The following RIMS3 variants were observed in gnomAD, a reference collection of about 807,000 sequenced individuals.
RIMS3 encodes the protein regulating synaptic membrane exocytosis 3.
In RIMS3, 15 loss-of-function variants were observed where a neutral mutation model predicts 29.2. That is an observed-to-expected ratio of 0.51 (90% confidence interval 0.34 to 0.79). The LOEUF (loss-of-function observed/expected upper bound fraction) is 0.79, where lower values mean the gene tolerates loss of function less well. Ranked by LOEUF, RIMS3 falls within the 30% of genes least tolerant of loss-of-function variation. The pLI is 0.01. For missense variants in RIMS3, 342 were observed against 421.4 expected (o/e 0.81, Z 1.65); for synonymous variants, 161 against 170.1 (o/e 0.95, Z 0.41).
chr1:40,662,752 T>C (rs1329398499), intron 1 of RIMS3, among the ~76,000 whole-genome samples: 1 of 152,198 alleles, frequency 6.6e-6, no homozygotes, highest in Non-Finnish European at 1.5e-5. Context: ...ATACATCTGG[T>C]TACTACAGTT....
rs971111141 is a variant in RIMS3, at chr1:40,622,575, C to G, written c.*3942G>C. The G allele has an allele frequency of 2.0e-5, 3 of 152,482 alleles. No homozygotes were observed. The highest frequency in any genetic ancestry group is 7.2e-5 in the African/African-American group (3 of 41,444). The allele number at this position is 152,482 out of a possible 1,614,324, so 9.4% of individuals were successfully genotyped here. A position where few individuals can be genotyped will look rare whatever the true frequency, so the allele number is the denominator to read the frequency against. Reference sequence around the variant, plus strand: ...GAGGAGGCAGGGAAGCAGGGCTCTTCTTTTCCATCTCCCTGCAGCCACTGC... The same window carrying G: ...GAGGAGGCAGGGAAGCAGGGCTCTTGTTTTCCATCTCCCTGCAGCCACTGC... On this transcript the variant is annotated 3_prime_UTR_variant, in exon 8 of 8. Coordinates refer to ENST00000372684, the MANE Select transcript of RIMS3 (RefSeq NM_014747.3).
At chr1:40,646,944 G>A (rs567001277) in intron 2 of RIMS3, among the ~76,000 whole-genome samples, 3 of 151,168 alleles carry the variant, frequency 2.0e-5, no homozygotes, top group East Asian at 1.9e-4. Flanking sequence ...GCAGTGGTGC[G>A]ATCTCGACTC....
At chr1:40,640,846 G>A (rs1326313796) in intron 3 of RIMS3, among the ~76,000 whole-genome samples, 2 of 152,216 alleles carry the variant, frequency 1.3e-5, no homozygotes, top group Non-Finnish European at 2.9e-5. Context: ...CTGCACACAT[G>A]TGACATGTTT....
intron 2 of RIMS3, among the ~76,000 whole-genome samples, chr1:40,642,261 T>C (rs1646563644): frequency 6.6e-6 from 1 of 152,204 alleles, no homozygotes; most frequent in Non-Finnish European, 1.5e-5. Flanking sequence ...TGCGTGGACT[T>C]GTGACCAAAC....
At chr1:40,683,478 C>T in the RIMS3 span, among the ~76,000 whole-genome samples, 7 of 152,332 alleles carry the variant, frequency 4.6e-5, no homozygotes, top group African/African-American at 7.2e-5. Context: ...ATATCTTCTG[C>T]CACGTTATGG....
rs1257104163 is a variant in RIMS3 at position 40,629,258 on chromosome 1, CA to C, written c.574+12del. ...CCCCTCCCTGTCAGGACCCCATTTCCAAAATCCCTCACCTGGGAGGGATTTG... is the reference window on the plus strand; with the variant it reads ...CCCCTCCCTGTCAGGACCCCATTTCCAAATCCCTCACCTGGGAGGGATTTG... On this transcript the variant is annotated intron_variant, in intron 6 of 7. Coordinates refer to ENST00000372684, the MANE Select transcript of RIMS3 (RefSeq NM_014747.3). 6.8e-6 allele frequency: 11 copies of C among 1,611,588 alleles called. No individual in the cohort carries two copies. The highest frequency in any genetic ancestry group is 9.3e-6 in the Non-Finnish European group (11 of 1,177,716).
chr1:40,632,678 G>A (rs1646497229), intron 5 of RIMS3, among the ~76,000 whole-genome samples: 1 of 151,636 alleles, frequency 6.6e-6, no homozygotes, highest in Non-Finnish European at 1.5e-5. Flanking sequence ...CACAAACACA[G>A]AACCCATGGA....
At chr1:40,688,503 C>A in the RIMS3 span, among the ~76,000 whole-genome samples, 5 of 152,066 alleles carry the variant, frequency 3.3e-5, no homozygotes, top group African/African-American at 1.2e-4. Flanking sequence ...CTCACAGAAA[C>A]TTTTATATAA....
At chr1:40,629,000 T>G (rs771707159) in intron 6 of RIMS3, 51 bp from the exon 7 acceptor site, 1 of 1,609,150 alleles carries the variant, frequency 6.2e-7, no homozygotes, top group South Asian at 1.1e-5. Context: ...CAGACAGCTT[T>G]GGCCTGCCCA....
In RIMS3 at chr1:40,636,150, C is replaced by CAT; in HGVS notation, c.218-95_218-94dup. On this transcript the variant is annotated intron_variant, in intron 3 of 7. Transcript: ENST00000372684. This position sits in a 1 kb window ranked among gnomAD's most constrained non-coding sequence, Gnocchi z 4.2. ...AGTCCTGCCAAAGTCACTCTCTTGG[C>CAT]ATGGGGGGTTGATGGGGAGGATGAG... 6.6e-7 allele frequency: 1 copy of CAT among 1,505,254 alleles called. No homozygotes were observed. The highest frequency in any genetic ancestry group is 9.1e-7 in the Non-Finnish European group (1 of 1,102,488). 93.2% of individuals were successfully genotyped at this position (1,505,254 alleles called of 1,614,324 possible).
intron 6 of RIMS3, 152 bp from the exon 7 acceptor site, chr1:40,629,101 T>G (rs1646472003): frequency 1.8e-6 from 2 of 1,128,600 alleles, no homozygotes; most frequent in East Asian, 4.8e-5. Context: ...ACTCAAGTAC[T>G]GATTCCTCCA....
the RIMS3 span, among the ~76,000 whole-genome samples, chr1:40,671,856 A>G: frequency 6.8e-6 from 1 of 146,734 alleles, no homozygotes; most frequent in East Asian, 2.0e-4. Context: ...TCCACCTCCC[A>G]GGTTCAAGGG....
At chr1:40,675,790 T>C in the RIMS3 span, among the ~76,000 whole-genome samples, 1 of 145,092 alleles carries the variant, frequency 6.9e-6, no homozygotes, top group South Asian at 2.1e-4. Flanking sequence ...TAGCCAGGCA[T>C]AGTGACACAT....
intron 5 of RIMS3, among the ~76,000 whole-genome samples, chr1:40,630,728 G>A (rs953232486): frequency 2.6e-5 from 4 of 152,294 alleles, no homozygotes; most frequent in African/African-American, 4.8e-5. Context: ...GAATGGTCCC[G>A]GCTGCCATGG....
chr1:40,625,479 T>A lies in RIMS3; in HGVS notation c.*1038A>T, dbSNP rs756899400. On this transcript the variant is annotated 3_prime_UTR_variant, in exon 8 of 8. Coordinates refer to ENST00000372684, the MANE Select transcript of RIMS3 (RefSeq NM_014747.3). Reference sequence around the variant, plus strand: ...GTGAATCCCCAAATGTCAGATGGGATCCTCAACAGTGGCGGGGAACAACTC... The same window carrying A: ...GTGAATCCCCAAATGTCAGATGGGAACCTCAACAGTGGCGGGGAACAACTC... The A allele has an allele frequency of 2.0e-5, 3 of 152,414 alleles. No individual in the cohort carries two copies. The highest frequency in any genetic ancestry group is 2.0e-4 in the Admixed American group (3 of 15,274). 9.4% of individuals were successfully genotyped at this position (152,414 alleles called of 1,614,324 possible). A position where few individuals can be genotyped will look rare whatever the true frequency, so the allele number is the denominator to read the frequency against.
chr1:40,635,892 A>T lies in RIMS3; in HGVS notation c.359+24T>A. On this transcript the variant is annotated intron_variant, in intron 4 of 7. Coordinates refer to ENST00000372684, the MANE Select transcript of RIMS3 (RefSeq NM_014747.3). The surrounding 1 kb of genome is among the most constrained non-coding windows in gnomAD (Gnocchi z 4.1). ...TGGAGGACCGAGGAGGAGGGAGGGG[A>T]CCACAGCACGGGGCTGCACGCACGT... The T allele has an allele frequency of 6.2e-7, 1 of 1,609,118 alleles. No homozygotes were observed.
At position 40,628,888 on chromosome 1, in the gene RIMS3, C is replaced by A; in HGVS notation, c.636G>T (p.Lys212Asn). The A allele has an allele frequency of 6.2e-7, 1 of 1,613,992 alleles. No homozygotes were observed. Among genetic ancestry groups the A allele is most frequent in the Non-Finnish European group, 8.5e-7 (1 of 1,180,028 alleles). Reference protein sequence around the residue: ...NGACLAKKKTKMTKKTCDPLY... With the variant: ...NGACLAKKKTNMTKKTCDPLY... ...GGGGATCACAGGTCTTCTTGGTCAT[C>A]TTTGTCTTCTTCTTGGCCAAGCAGG... is the stretch of plus-strand genomic sequence containing the variant. Residue 212 changes from lysine (K) to asparagine (N), a missense_variant, in exon 7 of 8, where the codon AAG becomes AAT. Physicochemically the swap from Lys to Asn is moderately conservative, Grantham distance 94. Transcript: ENST00000372684.
Position 40,654,409 on chromosome 1 carries a change from C to T in RIMS3, c.-206-6567G>A, listed in dbSNP as rs554826154. ...CCCTTTCAGGGCACAAAGACCCGCA[C>T]GCAAGCCATACACCTCCGGTTGGCC... is the stretch of plus-strand genomic sequence containing the variant. On this transcript the variant is annotated intron_variant, in intron 1 of 7. Transcript: ENST00000372684. This position sits in a 1 kb window ranked among gnomAD's most constrained non-coding sequence, Gnocchi z 5.3. Among the ~76,000 whole-genome samples the T allele has an allele frequency of 6.6e-5, 10 of 152,282 alleles. No homozygotes were observed. The highest frequency in any genetic ancestry group is 1.7e-4 in the African/African-American group (7 of 41,542).
the RIMS3 span, among the ~76,000 whole-genome samples, chr1:40,674,384 C>T: frequency 9.3e-4 from 142 of 152,278 alleles, 2 homozygotes; most frequent in South Asian, 0.011. Context: ...GCTGGGGCCA[C>T]GCTTTAAACC....
Sources: allele counts gnomAD v4.1 joint callset (sites outside exome capture counted in the v4.1 genomes callset), GRCh38; gene constraint gnomAD v4.1.1; non-coding constraint Gnocchi (gnomAD v3.1); transcripts MANE v1.5; gene names NCBI Gene and HGNC (gene_info 2026-07-23, HGNC 2026-07-21).